ANO4: variants seen among roughly 807,000 people sequenced by gnomAD.
The protein encoded by ANO4 is anoctamin-4.
In ANO4, 69 loss-of-function variants were observed where a neutral mutation model predicts 141.9. The observed-to-expected ratio is 0.49, with a 90% CI of 0.40 to 0.59. The LOEUF (loss-of-function observed/expected upper bound fraction) is 0.59, where lower values mean the gene tolerates loss of function less well. ANO4 is among the 20% of genes least tolerant of loss of function. ANO4 has a pLI of 0.00. For synonymous variants in ANO4, 350 were observed against 394.3 expected, an observed-to-expected ratio of 0.89 and a Z score of 1.33; for missense variants, 894 against 1,162.2, an observed-to-expected ratio of 0.77 and a Z score of 3.36.
At chr12:100,791,209 T>C (rs1007114186), upstream of ANO4, among the ~76,000 whole-genome samples, 1 of 152,008 alleles carries the variant, frequency 6.6e-6, no homozygotes, top group Non-Finnish European at 1.5e-5. Flanking sequence ...TGAAACCCTG[T>C]CTCTACTACA....
At chr12:100,893,060 A>G (rs2040183269) in intron 1 of ANO4, among the ~76,000 whole-genome samples, 1 of 152,084 alleles carries the variant, frequency 6.6e-6, no homozygotes, top group African/African-American at 2.4e-5. Context: ...TGGTGTAGTT[A>G]TGTACCAGGT....
chr12:101,099,873 A>G (rs563134567), intron 22 of ANO4, among the ~76,000 whole-genome samples, 153 bp downstream of exon 22: 1 of 152,326 alleles, frequency 6.6e-6, no homozygotes, highest in East Asian at 1.9e-4. Context: ...AAACTGTGCT[A>G]CACTTACATT....
At chr12:101,043,736 C>T (rs770253676) in intron 13 of ANO4, 101 bp downstream of exon 13, 52 of 835,420 alleles carry the variant, frequency 6.2e-5, no homozygotes, top group Admixed American at 1.4e-4. Context: ...CTTTGATTTT[C>T]AAGTGAATGT....
chr12:100,812,780 C>T (rs2035521822), intron 1 of ANO4, among the ~76,000 whole-genome samples: 1 of 152,170 alleles, frequency 6.6e-6, no homozygotes, highest in Non-Finnish European at 1.5e-5. Context: ...ATGAAGAGTA[C>T]ATTGTGTTTC....
rs189726780 is a variant in ANO4, at chr12:100,975,985, C to A, written c.602+1096C>A. Among the ~76,000 whole-genome samples the A allele has an allele frequency of 7.0e-4, 99 of 140,706 alleles. 1 individual carries two copies. The East Asian group carries it at 0.018, about 26-fold the overall frequency. 92.3% of individuals were successfully genotyped at this position (140,706 alleles called of 152,430 possible). A position where few individuals can be genotyped will look rare whatever the true frequency, so the allele number is the denominator to read the frequency against. ...CCAGATGAAGATTGCATCTACTATA[C>A]TTTGTATCCTCCGAAAGCTTGTTTT... is the stretch of plus-strand genomic sequence containing the variant. On this transcript the variant is annotated intron_variant, in intron 7 of 27. Transcript: ENST00000392977.
intron 1 of ANO4, among the ~76,000 whole-genome samples, chr12:100,722,044 G>T (rs2030892709): frequency 6.6e-6 from 1 of 152,072 alleles, no homozygotes; most frequent in Non-Finnish European, 1.5e-5. Context: ...GTAAAATGAG[G>T]TCACTAAGAA....
chr12:100,864,821 A>G (rs1005148859), intron 1 of ANO4, among the ~76,000 whole-genome samples: 1 of 152,106 alleles, frequency 6.6e-6, no homozygotes, highest in Admixed American at 6.6e-5. Context: ...ATTTCTCCTA[A>G]TGCTATCCCT....
intron 14 of ANO4, among the ~76,000 whole-genome samples, chr12:101,060,013 A>G (rs2048284508): frequency 6.6e-6 from 1 of 152,208 alleles, no homozygotes; most frequent in African/African-American, 2.4e-5. Flanking sequence ...TCCTGTGGGC[A>G]TTTAGTGCTA....
intron 22 of ANO4, among the ~76,000 whole-genome samples, chr12:101,108,148 C>T (rs1188098909): frequency 2.6e-5 from 4 of 151,982 alleles, no homozygotes; most frequent in Non-Finnish European, 4.4e-5. Flanking sequence ...GAATTGAGAA[C>T]CCTTATCAGA....
intron 16 of ANO4, among the ~76,000 whole-genome samples, chr12:101,085,163 T>C (rs1263944135): frequency 6.6e-6 from 1 of 152,194 alleles, no homozygotes; most frequent in African/African-American, 2.4e-5. Context: ...AAGAAAGGAA[T>C]CTCTAAATCA....
chr12:100,934,953 C>T (rs1209151607), intron 3 of ANO4, among the ~76,000 whole-genome samples: 1 of 152,114 alleles, frequency 6.6e-6, no homozygotes, highest in Non-Finnish European at 1.5e-5. Flanking sequence ...TATCCTGAGG[C>T]TTTGCTGAAG....
At chr12:100,777,269 C>CTTTTT (rs71091463) in intron 3 of ANO4, among the ~76,000 whole-genome samples, 25 of 50,614 alleles carry the variant, frequency 4.9e-4, no homozygotes, top group Admixed American at 7.7e-4. Flanking sequence ...ATTTTTGTAT[C>CTTTTT]TTTTTTTTTT....
chr12:100,839,231 G>A (rs1285367258), intron 1 of ANO4, among the ~76,000 whole-genome samples: 1 of 152,064 alleles, frequency 6.6e-6, no homozygotes, highest in Non-Finnish European at 1.5e-5. Flanking sequence ...TGCAGAATGG[G>A]GGCCAGTGGC....
intron 5 of ANO4, among the ~76,000 whole-genome samples, chr12:100,967,000 G>A (rs932122463): frequency 6.6e-6 from 1 of 151,916 alleles, no homozygotes; most frequent in Admixed American, 6.6e-5. Context: ...TGCAAGGACT[G>A]TGACTGTTAC....
intron 5 of ANO4, among the ~76,000 whole-genome samples, 175 bp from the exon 6 acceptor site, chr12:100,971,131 A>G (rs1037634117): frequency 2.6e-5 from 4 of 152,230 alleles, no homozygotes; most frequent in Admixed American, 6.5e-5. Context: ...AGTGCCACAC[A>G]CACAGTGGGA....
Position 100,896,040 on chromosome 12 carries a change from G to A in ANO4, c.-140-5606G>A, listed in dbSNP as rs530442863. ...CAGAGATTACAGATGGAGATAAGGA[G>A]TGCATAACATCCCCAAGGATGGACA... is the stretch of plus-strand genomic sequence containing the variant. On this transcript the variant is annotated intron_variant, in intron 1 of 27. Coordinates refer to ENST00000392977, the MANE Select transcript of ANO4 (RefSeq NM_001286615.2). 2.6e-5 allele frequency among the ~76,000 whole-genome samples: 4 copies of A among 152,248 alleles called. No individual in the cohort carries two copies. In the East Asian group the frequency reaches 7.7e-4, roughly 29 times the overall value.
chr12:100,963,799 C>G (rs546219287), intron 5 of ANO4, among the ~76,000 whole-genome samples: 6 of 152,158 alleles, frequency 3.9e-5, no homozygotes, highest in African/African-American at 1.4e-4. Context: ...GTTTCACAGG[C>G]TAGATTCCAG....
intron 3 of ANO4, among the ~76,000 whole-genome samples, chr12:100,760,431 TTC>T (rs1162101282): frequency 1.3e-5 from 2 of 152,180 alleles, no homozygotes; most frequent in Non-Finnish European, 2.9e-5. Context: ...TGAAGCTCCT[TTC>T]TCTCTCAGTG....
intron 1 of ANO4, chr12:100,842,296 T>A (rs1161007676): frequency 6.6e-6 from 1 of 152,002 alleles, no homozygotes; most frequent in Non-Finnish European, 1.5e-5. Flanking sequence ...ATCTTTTATG[T>A]GGTTGTTTTG....
Sources: allele counts gnomAD v4.1 joint callset (sites outside exome capture counted in the v4.1 genomes callset), GRCh38; gene constraint gnomAD v4.1.1; transcripts MANE v1.5; gene names NCBI Gene and HGNC (gene_info 2026-07-23, HGNC 2026-07-21).